NTM: variants seen among roughly 807,000 people sequenced by gnomAD.
NTM encodes the protein neurotrimin.
A neutral mutation model predicts 42.1 loss-of-function variants in NTM; 13 were observed. The ratio of observed to expected loss-of-function variants is 0.31; its 90% CI spans 0.20 to 0.49. NTM has a LOEUF of 0.49. Among genes scored for constraint, NTM ranks in the 20% least tolerant of loss-of-function variants. NTM has a pLI of 0.99. For missense variants in NTM, 373 were observed against 452.8 expected, an observed-to-expected ratio of 0.82 and a Z score of 1.60; for synonymous variants, 187 against 179.2, an observed-to-expected ratio of 1.04 and a Z score of -0.35.
intron 1 of NTM, among the ~76,000 whole-genome samples, chr11:131,783,017 A>G (rs1452024464): frequency 7.2e-5 from 11 of 152,176 alleles, no homozygotes; most frequent in Admixed American, 5.2e-4. Context: ...ATATGTATAC[A>G]GATTGGAAAG....
At chr11:132,090,344 G>C (rs1262610709) in intron 2 of NTM, among the ~76,000 whole-genome samples, 1 of 152,052 alleles carries the variant, frequency 6.6e-6, no homozygotes, top group Non-Finnish European at 1.5e-5. Context: ...AAAAAGCTGG[G>C]ACACAGAGAA....
rs2060189383 is a variant in NTM at position 131,598,871 on chromosome 11, TCCTTCTTCCTTCCTTCCTTCCTTCCTTC to T, written c.82+227985_82+228012del. 2.6e-5 allele frequency among the ~76,000 whole-genome samples: 2 copies of T among 76,656 alleles called. 1 individual carries two copies. Among genetic ancestry groups the T allele is most frequent in the African/African-American group, 1.1e-4 (2 of 18,750 alleles). 50.3% of individuals were successfully genotyped at this position (76,656 alleles called of 152,430 possible). On this transcript the variant is annotated intron_variant, in intron 1 of 8. Transcript: ENST00000683400. ...TTTCTTCCTTCCTTCCTTCCTTCCT[TCCTTCTTCCTTCCTTCCTTCCTTCCTTC>T]CTTCCTTCCTTCCTTCCTTCCTTCT... is the stretch of plus-strand genomic sequence containing the variant.
intron 1 of NTM, among the ~76,000 whole-genome samples, chr11:131,634,106 C>T (rs2064063651): frequency 6.6e-6 from 1 of 152,152 alleles, no homozygotes; most frequent in Non-Finnish European, 1.5e-5. Flanking sequence ...TTGGAGCATA[C>T]TGGGTAAACA....
intron 1 of NTM, among the ~76,000 whole-genome samples, chr11:131,816,644 C>T (rs2092963516): frequency 6.6e-6 from 1 of 152,104 alleles, no homozygotes; most frequent in Admixed American, 6.5e-5. Context: ...TCGTACACCT[C>T]TATAACAACC....
intron 1 of NTM, among the ~76,000 whole-genome samples, chr11:131,462,927 A>C (rs1303903546): frequency 6.6e-6 from 1 of 151,916 alleles, no homozygotes; most frequent in African/African-American, 2.4e-5. Flanking sequence ...ACCTGGAACT[A>C]GGAAGGGTCA....
intron 1 of NTM, among the ~76,000 whole-genome samples, chr11:131,614,596 C>T (rs1565710828): frequency 6.6e-6 from 1 of 152,184 alleles, no homozygotes; most frequent in Non-Finnish European, 1.5e-5. Flanking sequence ...GTCTGCAGCT[C>T]TTCTGTGCCA....
intron 2 of NTM, among the ~76,000 whole-genome samples, chr11:132,090,371 T>G (rs1477217746): frequency 1.3e-5 from 2 of 152,138 alleles, no homozygotes; most frequent in African/African-American, 2.4e-5. Flanking sequence ...TCTTAGGTTT[T>G]ATAATCTCCC....
intron 3 of NTM, among the ~76,000 whole-genome samples, chr11:132,202,066 T>A (rs2081245894): frequency 6.6e-6 from 1 of 152,244 alleles, no homozygotes; most frequent in Admixed American, 6.5e-5. Context: ...TTAGATTAAT[T>A]GATTCCTTTC....
chr11:132,116,345 A>G (rs1273068404), intron 2 of NTM, among the ~76,000 whole-genome samples: 2 of 152,224 alleles, frequency 1.3e-5, no homozygotes, highest in African/African-American at 2.4e-5. Flanking sequence ...GACACTGCCC[A>G]TAGATAGTAC....
chr11:131,912,352 C>T (rs2055315400), intron 2 of NTM, among the ~76,000 whole-genome samples: 2 of 152,080 alleles, frequency 1.3e-5, no homozygotes, highest in African/African-American at 4.8e-5. Flanking sequence ...TGAAGAGAAA[C>T]TAGGTTTCAG....
At chr11:131,686,882 C>T (rs1371802108) in intron 1 of NTM, among the ~76,000 whole-genome samples, 4 of 152,192 alleles carry the variant, frequency 2.6e-5, no homozygotes, top group African/African-American at 9.7e-5. Context: ...GAGAATGTTC[C>T]ATCTGCTGGA....
chr11:132,221,278 C>G (rs1469663005), intron 4 of NTM, among the ~76,000 whole-genome samples: 1 of 152,168 alleles, frequency 6.6e-6, no homozygotes, highest in African/African-American at 2.4e-5. Flanking sequence ...GTCGGGGGCT[C>G]TCTTCTAAAA....
At chr11:131,752,115 T>A (rs186274058) in intron 1 of NTM, among the ~76,000 whole-genome samples, 12 of 152,282 alleles carry the variant, frequency 7.9e-5, no homozygotes, top group African/African-American at 2.6e-4. Flanking sequence ...GGTAACCAAC[T>A]GTTGGGGAGG....
At chr11:131,545,340 T>A (rs575171961) in intron 1 of NTM, among the ~76,000 whole-genome samples, 195 of 152,314 alleles carry the variant, frequency 1.3e-3, no homozygotes, top group African/African-American at 4.5e-3. Context: ...TGTATTAGCT[T>A]TTCCTCCATT....
chr11:132,311,703 CT>C (rs1341438957), intron 6 of NTM, among the ~76,000 whole-genome samples: 1 of 152,176 alleles, frequency 6.6e-6, no homozygotes, highest in Non-Finnish European at 1.5e-5. Context: ...TTGTCTAGGT[CT>C]TAATGAAAAG....
chr11:131,771,341 T>A (rs373512832), intron 1 of NTM: 3 of 152,368 alleles, frequency 2.0e-5, no homozygotes, highest in African/African-American at 7.2e-5. Flanking sequence ...ACACAGATGA[T>A]AGGTTTGGAA....
At chr11:131,447,473 G>C (rs1950147437) in intron 1 of NTM, among the ~76,000 whole-genome samples, 2 of 152,116 alleles carry the variant, frequency 1.3e-5, no homozygotes, top group Admixed American at 1.3e-4. Flanking sequence ...GTGCAGGCTG[G>C]GGCTGCAGAA....
intron 1 of NTM, among the ~76,000 whole-genome samples, chr11:131,372,546 C>T (rs2135464885): frequency 6.6e-6 from 1 of 151,900 alleles, no homozygotes; most frequent in East Asian, 1.9e-4. Context: ...TTCGGAAAAG[C>T]AGTTTCTGTG....
intron 2 of NTM, among the ~76,000 whole-genome samples, chr11:131,997,418 G>A (rs894093357): frequency 2.0e-5 from 3 of 152,152 alleles, no homozygotes; most frequent in African/African-American, 7.2e-5. Context: ...GAAGATTTAA[G>A]ACTCCAGATC....
Sources: gnomAD v4.1 joint callset for allele counts (sites outside exome capture counted in the v4.1 genomes callset) on GRCh38, gnomAD v4.1.1 for gene constraint, MANE v1.5 for transcripts, NCBI Gene and HGNC (gene_info 2026-07-23, HGNC 2026-07-21) for gene names.